The following EPB41L5 variants were observed in gnomAD, a reference collection of about 807,000 sequenced individuals.
EPB41L5 encodes erythrocyte membrane protein band 4.1 like 5.
A neutral mutation model predicts 106.6 loss-of-function variants in EPB41L5; 55 were observed. The ratio of observed to expected loss-of-function variants is 0.52; its 90% CI spans 0.42 to 0.65. The LOEUF (loss-of-function observed/expected upper bound fraction) is 0.65, where lower values mean the gene tolerates loss of function less well. EPB41L5 is among the 30% of genes least tolerant of loss of function. The probability of loss-of-function intolerance (pLI) is 0.00; values close to 1 mark genes in which losing one functional copy is unlikely to be tolerated. For synonymous variants in EPB41L5, 297 were observed against 306.7 expected (o/e 0.97, Z 0.33); for missense variants, 871 against 882.1 (o/e 0.99, Z 0.16).
At chr2:120,155,885 C>T (rs1189191090) in intron 20 of EPB41L5, among the ~76,000 whole-genome samples, 1 of 151,984 alleles carries the variant, frequency 6.6e-6, no homozygotes, top group Non-Finnish European at 1.5e-5. Context: ...CCCAGCGACT[C>T]CAAGGGGATG....
At chr2:120,123,134 T>C (rs1424934851) in intron 16 of EPB41L5, among the ~76,000 whole-genome samples, 2 of 152,110 alleles carry the variant, frequency 1.3e-5, no homozygotes, top group Non-Finnish European at 2.9e-5. Context: ...CTTCCCTTCA[T>C]TGCAGACAAA....
At chr2:120,174,252 T>G (rs1308955932) in intron 24 of EPB41L5, among the ~76,000 whole-genome samples, 1 of 152,160 alleles carries the variant, frequency 6.6e-6, no homozygotes, top group Non-Finnish European at 1.5e-5. Context: ...GCCCAGAAGT[T>G]TGAGACCAGC....
intron 20 of EPB41L5, among the ~76,000 whole-genome samples, chr2:120,154,622 T>C (rs1299484810): frequency 6.6e-6 from 1 of 152,108 alleles, no homozygotes; most frequent in Non-Finnish European, 1.5e-5. Flanking sequence ...TATTTTGTTA[T>C]TGTCACAAAT....
At chr2:120,106,940 T>C in intron 16 of EPB41L5, 4 of 932,506 alleles carry the variant, frequency 4.3e-6, no homozygotes, top group Non-Finnish European at 5.1e-6. Flanking sequence ...ATGTCTGTTT[T>C]GAAAAGCACC....
At chr2:120,089,256 T>A (rs34490783) in intron 11 of EPB41L5, among the ~76,000 whole-genome samples, 103,836 of 151,930 alleles carry the variant, frequency 0.68, 37,345 homozygotes, top group Non-Finnish European at 0.8. Flanking sequence ...TTTGCTTCAG[T>A]TCTCTTTTAG....
At chr2:120,131,999 T>C (rs1162012273) in intron 18 of EPB41L5, among the ~76,000 whole-genome samples, 5 of 152,078 alleles carry the variant, frequency 3.3e-5, no homozygotes, top group Non-Finnish European at 7.4e-5. Context: ...CCCAGTCTAG[T>C]TGGAAGACTT....
chr2:120,169,263 C>T (rs1212048945), intron 24 of EPB41L5, among the ~76,000 whole-genome samples: 2 of 152,116 alleles, frequency 1.3e-5, no homozygotes, highest in African/African-American at 2.4e-5. Flanking sequence ...TTTAGTAAAT[C>T]AGCTGGACAG....
chr2:120,137,857 A>G (rs989159900), intron 18 of EPB41L5, among the ~76,000 whole-genome samples: 8 of 152,076 alleles, frequency 5.3e-5, no homozygotes, highest in Non-Finnish European at 1.2e-4. Flanking sequence ...ATTTTATGAG[A>G]TCAGTATTAC....
chr2:120,026,771 A>G (rs1454076303), intron 2 of EPB41L5, among the ~76,000 whole-genome samples: 2 of 152,236 alleles, frequency 1.3e-5, no homozygotes, highest in Non-Finnish European at 2.9e-5. Context: ...TTAGCCTTCA[A>G]AGGAGACCAT....
intron 16 of EPB41L5, 86 bp from the exon 17 acceptor site, chr2:120,127,602 G>A: frequency 9.5e-7 from 1 of 1,052,450 alleles, no homozygotes; most frequent in Non-Finnish European, 1.3e-6. Flanking sequence ...AGATGTGGTG[G>A]AAATTGCAGA....
At chr2:120,038,077 G>T (rs1465005736) in intron 2 of EPB41L5, among the ~76,000 whole-genome samples, 1 of 152,194 alleles carries the variant, frequency 6.6e-6, no homozygotes, top group Non-Finnish European at 1.5e-5. Flanking sequence ...ACTGCCAAGA[G>T]AGTAAAAAGA....
chr2:120,059,456 G>A (rs1375827435), intron 3 of EPB41L5, among the ~76,000 whole-genome samples: 2 of 151,998 alleles, frequency 1.3e-5, no homozygotes, highest in East Asian at 1.9e-4. Flanking sequence ...CCAAAAGGAT[G>A]ATTTTTAAAA....
chr2:120,164,924 A>G lies in EPB41L5; in HGVS notation c.1962+14A>G. ...GTTGCACCTCAGGTAAATATGCTTT[A>G]AAATAGTATGATGGAAAGAAATTTC... On this transcript the variant is annotated intron_variant, in intron 22 of 24. Coordinates refer to ENST00000263713, the MANE Select transcript of EPB41L5 (RefSeq NM_020909.4). The G allele has an allele frequency of 6.4e-7, 1 of 1,573,038 alleles. No homozygotes were observed. The highest frequency in any genetic ancestry group is 8.7e-7 in the Non-Finnish European group (1 of 1,155,924).
chr2:120,050,130 C>A (rs996748841), intron 3 of EPB41L5, among the ~76,000 whole-genome samples: 2 of 152,286 alleles, frequency 1.3e-5, no homozygotes, highest in Non-Finnish European at 2.9e-5. Context: ...GTGAATCTGA[C>A]AATTATATGT....
intron 1 of EPB41L5, among the ~76,000 whole-genome samples, chr2:120,014,786 T>C (rs1480033009): frequency 6.6e-6 from 1 of 151,308 alleles, no homozygotes; most frequent in Non-Finnish European, 1.5e-5. Context: ...CAGAGGGGAG[T>C]AGGCTGACAG....
At chr2:120,139,489 C>A (rs995751915) in intron 18 of EPB41L5, among the ~76,000 whole-genome samples, 4 of 151,914 alleles carry the variant, frequency 2.6e-5, no homozygotes, top group African/African-American at 9.7e-5. Context: ...GGAAAAAAAT[C>A]TGATAATCTG....
intron 17 of EPB41L5, among the ~76,000 whole-genome samples, chr2:120,128,972 T>C (rs1271758270): frequency 1.3e-5 from 2 of 152,116 alleles, no homozygotes; most frequent in Non-Finnish European, 2.9e-5. Context: ...TGTTCTCACT[T>C]ATATGTGGGA....
At chr2:120,048,453 GT>G (rs1392508027) in intron 3 of EPB41L5, among the ~76,000 whole-genome samples, 2 of 152,152 alleles carry the variant, frequency 1.3e-5, no homozygotes, top group Non-Finnish European at 1.5e-5. Context: ...GCGTAGAGGT[GT>G]TTATAGTATT....
intron 16 of EPB41L5, among the ~76,000 whole-genome samples, chr2:120,123,563 CT>C (rs754568826): frequency 1.3e-5 from 2 of 150,870 alleles, no homozygotes; most frequent in African/African-American, 2.4e-5. Flanking sequence ...AAAAAGTCCA[CT>C]TCTAATTTAA....
Sources: allele counts gnomAD v4.1 joint callset (sites outside exome capture counted in the v4.1 genomes callset), GRCh38; gene constraint gnomAD v4.1.1; transcripts MANE v1.5; gene names NCBI Gene and HGNC (gene_info 2026-07-23, HGNC 2026-07-21).